Variants in SYNE1 observed in about 807,000 individuals in gnomAD.
The protein encoded by SYNE1 is spectrin repeat containing nuclear envelope protein 1.
In SYNE1, 616 loss-of-function variants were observed where a neutral mutation model predicts 1,111.0. That is an observed-to-expected ratio of 0.55 (90% confidence interval 0.52 to 0.59). The LOEUF is 0.59. Ranked by LOEUF, SYNE1 falls within the 20% of genes least tolerant of loss-of-function variation. The pLI is 0.00. For missense variants in SYNE1, 10,006 were observed against 10,417.0 expected (o/e 0.96, Z 1.72); for synonymous variants, 3,855 against 3,825.8 (o/e 1.01, Z -0.28).
intron 9 of SYNE1, among the ~76,000 whole-genome samples, chr6:152,504,885 T>C (rs1229046329): frequency 3.3e-5 from 5 of 152,216 alleles, no homozygotes; most frequent in East Asian, 3.8e-4. Context: ...AGAGTAATTA[T>C]ATTATCCTGT....
At chr6:152,197,829 CT>C (rs1223193367) in intron 127 of SYNE1, among the ~76,000 whole-genome samples, 1 of 152,180 alleles carries the variant, frequency 6.6e-6, no homozygotes, top group Non-Finnish European at 1.5e-5. Context: ...TGAACACTGA[CT>C]TTAAGTCACC....
At chr6:152,555,919 T>C (rs1297929078) in intron 3 of SYNE1, among the ~76,000 whole-genome samples, 1 of 152,168 alleles carries the variant, frequency 6.6e-6, no homozygotes, top group Non-Finnish European at 1.5e-5. Context: ...TGTTTCCTAA[T>C]AAGGAAAATG....
At position 152,180,813 on chromosome 6, in the gene SYNE1, G is replaced by A. The variant is rs192352625; in HGVS notation, c.23302-519C>T. On this transcript the variant is annotated intron_variant, in intron 128 of 145. Coordinates refer to ENST00000367255, the MANE Select transcript of SYNE1 (RefSeq NM_182961.4). ...GAAGCGGGCAGCATCCAAGCGAAGC[G>A]GCCTGAAATGGAGGCAGGTGCCCCA... 4.4e-3 allele frequency among the ~76,000 whole-genome samples: 677 copies of A among 152,254 alleles called. 1 individual carries two copies. Among genetic ancestry groups the A allele is most frequent in the Non-Finnish European group, 7.5e-3 (513 of 68,016 alleles).
At position 152,136,640 on chromosome 6, in the gene SYNE1, T is replaced by C. The variant is rs529921934; in HGVS notation, c.25637A>G (p.Gln8546Arg). 17 of 1,613,634 alleles carry C rather than the reference T, an allele frequency of 1.1e-5. No homozygotes were observed. In the East Asian group the frequency reaches 3.6e-4, roughly 34 times the overall value. The change falls in exon 141 of 146, where the codon CAG becomes CGG. Residue 8546 changes from glutamine to arginine, a missense_variant. Gln to Arg is a conservative substitution (Grantham distance 43). Around this residue, in one of 7 missense-constraint regions of SYNE1, gnomAD observed 761 missense variants for 795.5 expected, o/e 0.96. Coordinates refer to ENST00000367255, the MANE Select transcript of SYNE1 (RefSeq NM_182961.4). Reference sequence around the variant, plus strand: ...GACCTGGCACTGCATCAGGGCATCCTGCAGCAGGCCCCGCCACTCCTCCAG... The same window carrying C: ...GACCTGGCACTGCATCAGGGCATCCCGCAGCAGGCCCCGCCACTCCTCCAG... ...SLLEEWRGLL[Q>R]DALMQCQGFH...
Position 152,154,795 on chromosome 6 carries a change from C to T in SYNE1, c.24129+97G>A, listed in dbSNP as rs916910770. ...CTCACGCAGCAATTTGAGCAGATAACATGTGGTGAACAGCTAGTTTAGGTC... is the reference window on the plus strand; with the variant it reads ...CTCACGCAGCAATTTGAGCAGATAATATGTGGTGAACAGCTAGTTTAGGTC... On this transcript the variant is annotated intron_variant, in intron 133 of 145. Coordinates refer to ENST00000367255, the MANE Select transcript of SYNE1 (RefSeq NM_182961.4). 1.4e-5 allele frequency: 19 copies of T among 1,372,798 alleles called. No individual in the cohort carries two copies. In the African/African-American group the frequency reaches 2.1e-4, roughly 15 times the overall value. 85.0% of individuals were successfully genotyped at this position (1,372,798 alleles called of 1,614,324 possible). A position where few individuals can be genotyped will look rare whatever the true frequency, so the allele number is the denominator to read the frequency against.
chr6:152,542,485 T>C (rs1032568098), intron 3 of SYNE1, among the ~76,000 whole-genome samples: 1 of 152,098 alleles, frequency 6.6e-6, no homozygotes, highest in Non-Finnish European at 1.5e-5. Flanking sequence ...TATCATTTAT[T>C]TATCATTATA....
intron 131 of SYNE1, among the ~76,000 whole-genome samples, chr6:152,158,403 T>C (rs1048701546): frequency 9.9e-5 from 15 of 152,232 alleles, no homozygotes; most frequent in African/African-American, 3.6e-4. Context: ...TATTCTTGTG[T>C]TGCTCTTCCT....
At chr6:152,598,532 C>T (rs1448142065) in intron 3 of SYNE1, among the ~76,000 whole-genome samples, 1 of 152,216 alleles carries the variant, frequency 6.6e-6, no homozygotes, top group Non-Finnish European at 1.5e-5. Context: ...GCCAGTTTTT[C>T]ATAAACTCAA....
chr6:152,228,670 G>C (rs2082113400), intron 115 of SYNE1, among the ~76,000 whole-genome samples: 1 of 152,178 alleles, frequency 6.6e-6, no homozygotes, highest in Admixed American at 6.5e-5. Flanking sequence ...TCCTCACTTT[G>C]CTAATTCTAA....
At chr6:152,334,355 C>T (rs996937092) in intron 76 of SYNE1, 82 bp from the exon 77 acceptor site, 22 of 1,464,840 alleles carry the variant, frequency 1.5e-5, no homozygotes, top group Non-Finnish European at 2.1e-5. Context: ...GACATAAGAC[C>T]TTTAAACACT....
At chr6:152,301,093 C>T (rs1045106489) in intron 92 of SYNE1, among the ~76,000 whole-genome samples, 9 of 152,124 alleles carry the variant, frequency 5.9e-5, no homozygotes, top group African/African-American at 9.7e-5. Context: ...GGAAAAATCA[C>T]GAATCATACA....
At chr6:152,498,131 C>T (rs979981126) in intron 11 of SYNE1, among the ~76,000 whole-genome samples, 10 of 152,102 alleles carry the variant, frequency 6.6e-5, no homozygotes, top group Non-Finnish European at 1.5e-5. Context: ...ATATCCTTAA[C>T]CTGTGGCCTA....
intron 61 of SYNE1, chr6:152,368,219 C>T (rs1443186180): frequency 1.3e-5 from 2 of 152,356 alleles, no homozygotes; most frequent in African/African-American, 4.8e-5. Flanking sequence ...TATTCTAACA[C>T]CTGAAAGTTA....
At chr6:152,383,004 C>A (rs1024976687) in intron 55 of SYNE1, among the ~76,000 whole-genome samples, 2 of 152,136 alleles carry the variant, frequency 1.3e-5, no homozygotes, top group Admixed American at 1.3e-4. Flanking sequence ...TTAGAGTTGC[C>A]TTTTCTCAGT....
chr6:152,355,929 T>C (rs1012662412), intron 66 of SYNE1, among the ~76,000 whole-genome samples: 2 of 152,216 alleles, frequency 1.3e-5, no homozygotes, highest in African/African-American at 4.8e-5. Flanking sequence ...TCAAATATGA[T>C]GTCACTTCAA....
chr6:152,365,023 T>A lies in SYNE1; in HGVS notation c.9973-4A>T, dbSNP rs2097041738. 1.9e-6 allele frequency: 3 copies of A among 1,614,196 alleles called. No homozygotes were observed. The East Asian group carries it at 6.7e-5, about 36-fold the overall frequency. On this transcript the variant is annotated splice_polypyrimidine_tract_variant and splice_region_variant and intron_variant, in intron 62 of 145. Transcript: ENST00000367255. ...CCTGTTTGACTGATAATAGAGCCTG[T>A]GAAAACACATACAGAAGTCCTTTGT...
At position 152,365,306 on chromosome 6, in the gene SYNE1, A is replaced by T. The variant is rs930668237; in HGVS notation, c.9973-287T>A. Among the ~76,000 whole-genome samples, 4 of 152,320 alleles carry T rather than the reference A, an allele frequency of 2.6e-5. 1 individual carries two copies. ...CTTTACTGGTTTTAACAAGGGAAAA[A>T]TATAGTACAGTAGAATTCATGATTT... On this transcript the variant is annotated intron_variant, in intron 62 of 145. Coordinates refer to ENST00000367255, the MANE Select transcript of SYNE1 (RefSeq NM_182961.4).
At chr6:152,599,008 C>G (rs1399698503) in intron 3 of SYNE1, among the ~76,000 whole-genome samples, 1 of 152,134 alleles carries the variant, frequency 6.6e-6, no homozygotes, top group East Asian at 1.9e-4. Flanking sequence ...ATACTGTAAT[C>G]AAATAGAGAA....
chr6:152,386,174 G>A lies in SYNE1; in HGVS notation c.8488-336C>T, dbSNP rs2097524280. 3.9e-5 allele frequency among the ~76,000 whole-genome samples: 6 copies of A among 152,108 alleles called. 1 individual carries two copies. Among genetic ancestry groups the A allele is most frequent in the African/African-American group, 1.4e-4 (6 of 41,436 alleles). On this transcript the variant is annotated intron_variant, in intron 54 of 145. Coordinates refer to ENST00000367255, the MANE Select transcript of SYNE1 (RefSeq NM_182961.4). ...TAAAGCAATTATTTGTTAGCTTGGT[G>A]TACAGCAGTCTGTTCAGCACTTTAA...
Sources: gnomAD v4.1 joint callset for allele counts (sites outside exome capture counted in the v4.1 genomes callset) on GRCh38, gnomAD v4.1.1 for gene constraint, gnomAD v4.1.1 regional missense constraint, MANE v1.5 for transcripts, NCBI Gene and HGNC (gene_info 2026-07-23, HGNC 2026-07-21) for gene names.